Variants in PCDHGB4 observed in about 807,000 individuals in gnomAD.
PCDHGB4 encodes the protein protocadherin gamma-B4.
PCDHGB4 carries 38 observed loss-of-function variants against 60.5 expected under a neutral mutation model. That is an observed-to-expected ratio of 0.63 (90% CI 0.48 to 0.82). PCDHGB4 has a LOEUF of 0.82. PCDHGB4 is among the 40% of genes least tolerant of loss of function. The pLI, the probability that PCDHGB4 is intolerant of heterozygous loss-of-function variation, is 0.00. For missense variants in PCDHGB4, 1,109 were observed against 1,209.6 expected (o/e 0.92, Z 1.23); for synonymous variants, 456 against 509.7 (o/e 0.89, Z 1.42).
intron 1 of PCDHGB4, among the ~76,000 whole-genome samples, chr5:141,446,824 A>T (rs973108119): frequency 1.3e-5 from 2 of 152,156 alleles, no homozygotes; most frequent in African/African-American, 4.8e-5. Flanking sequence ...AGATGGGTAG[A>T]TCCTTATAAG....
At chr5:141,492,673 C>T (rs2099743035) in intron 1 of PCDHGB4, among the ~76,000 whole-genome samples, 1 of 152,250 alleles carries the variant, frequency 6.6e-6, no homozygotes, top group Non-Finnish European at 1.5e-5. Flanking sequence ...GGGACTCCGT[C>T]TCAAGGGTCG....
intron 1 of PCDHGB4, chr5:141,395,553 TG>T: frequency 1.2e-5 from 1 of 84,110 alleles, no homozygotes; most frequent in Non-Finnish European, 2.1e-5. Context: ...TGTGTGTGTG[TG>T]TGTGTGTGTG....
Position 141,485,210 on chromosome 5 carries a change from C to T in PCDHGB4, c.2398-9597C>T, listed in dbSNP as rs2099609472. 1.2e-6 allele frequency: 2 copies of T among 1,614,058 alleles called. No individual in the cohort carries two copies. The highest frequency in any genetic ancestry group is 1.3e-5 in the African/African-American group (1 of 75,046). ...GGTGAGAAGCTGGACAGAAATCTGG[C>T]GGTGGGCTACCCTTTTGTTCCTCTT... On this transcript the variant is annotated intron_variant, in intron 1 of 3. Coordinates refer to ENST00000519479, the MANE Select transcript of PCDHGB4 (RefSeq NM_003736.4). The surrounding 1 kb of genome is among the most constrained non-coding windows in gnomAD (Gnocchi z 5.7).
chr5:141,452,303 G>C (rs1271182127), intron 1 of PCDHGB4, among the ~76,000 whole-genome samples: 1 of 152,048 alleles, frequency 6.6e-6, no homozygotes, highest in Non-Finnish European at 1.5e-5. Flanking sequence ...GAAAATATTA[G>C]AGACTCATAC....
At chr5:141,415,551 C>T (rs745641887) in intron 1 of PCDHGB4, 1 of 1,614,132 alleles carries the variant, frequency 6.2e-7, no homozygotes, top group South Asian at 1.1e-5. Context: ...GTGAGAAAAA[C>T]GATCCTTTGT....
intron 1 of PCDHGB4, chr5:141,478,197 T>G (rs2099437910): frequency 6.2e-7 from 1 of 1,613,956 alleles, no homozygotes; most frequent in Admixed American, 1.7e-5. Context: ...ACCTTTTATC[T>G]ACTTCTTTCT....
intron 1 of PCDHGB4, chr5:141,392,814 A>G: frequency 2.5e-6 from 4 of 1,585,078 alleles, no homozygotes; most frequent in South Asian, 2.3e-5. Flanking sequence ...CAAAACAACA[A>G]TGGCCGCTCC....
rs1433790348 is a variant in PCDHGB4, at chr5:141,431,831, G to A, written c.2397+41550G>A. The A allele has an allele frequency of 1.2e-6, 2 of 1,614,110 alleles. No homozygotes were observed. The highest frequency in any genetic ancestry group is 1.7e-6 in the Non-Finnish European group (2 of 1,180,040). On this transcript the variant is annotated intron_variant, in intron 1 of 3. Transcript: ENST00000519479. The surrounding 1 kb of genome is among the most constrained non-coding windows in gnomAD (Gnocchi z 4.8). Reference sequence around the variant, plus strand: ...CACCTCTCTCGCCAGCTCGGTTCCCGAAAACTCTCCCAGAGGGACATTAAT... The same window carrying A: ...CACCTCTCTCGCCAGCTCGGTTCCCAAAAACTCTCCCAGAGGGACATTAAT...
Position 141,398,085 on chromosome 5 carries a change from T to C in PCDHGB4, c.2397+7804T>C, listed in dbSNP as rs140389005. 4,220 of 1,598,288 alleles carry C rather than the reference T, an allele frequency of 2.6e-3. 81 individuals carry two copies. In the African/African-American group the frequency reaches 0.047, roughly 18 times the overall value. ...TACAATACAGAGGTTATTTGTAACCTGGCGTCTCCAGGCTGGTGAGCAAGC... is the reference window on the plus strand; with the variant it reads ...TACAATACAGAGGTTATTTGTAACCCGGCGTCTCCAGGCTGGTGAGCAAGC... On this transcript the variant is annotated intron_variant, in intron 1 of 3. Coordinates refer to ENST00000519479, the MANE Select transcript of PCDHGB4 (RefSeq NM_003736.4).
At chr5:141,478,535 C>G (rs1359742091) in intron 1 of PCDHGB4, 1 of 1,607,794 alleles carries the variant, frequency 6.2e-7, no homozygotes, top group Non-Finnish European at 8.5e-7. Flanking sequence ...AGAGAGCGCC[C>G]CTCCCGGACA....
intron 2 of PCDHGB4, among the ~76,000 whole-genome samples, chr5:141,497,336 A>G (rs558221190): frequency 1.6e-3 from 251 of 152,122 alleles, no homozygotes; most frequent in Non-Finnish European, 2.8e-3. Flanking sequence ...TTCACCATTG[A>G]ACCTGGAAGC....
At chr5:141,502,961 A>G (rs886622146) in intron 2 of PCDHGB4, among the ~76,000 whole-genome samples, 3 of 146,786 alleles carry the variant, frequency 2.0e-5, no homozygotes, top group Non-Finnish European at 4.4e-5. Context: ...CTCCTGCCTC[A>G]GCCTCCCAAG....
At chr5:141,470,416 A>AT (rs1300623208) in intron 1 of PCDHGB4, among the ~76,000 whole-genome samples, 3 of 152,134 alleles carry the variant, frequency 2.0e-5, no homozygotes, top group African/African-American at 7.2e-5. Flanking sequence ...GATTTTATGT[A>AT]TTTTTTCCTT....
chr5:141,389,913 C>A lies in PCDHGB4; in HGVS notation c.2029C>A (p.Pro677Thr), dbSNP rs751155354. The A allele has an allele frequency of 6.2e-7, 1 of 1,614,092 alleles. No individual in the cohort carries two copies. The highest frequency in any genetic ancestry group is 8.5e-7 in the Non-Finnish European group (1 of 1,179,908). ...QEVLPDITDR[P>T]DPSDLQAELQ... ...GGTGCTGCCGGATATCACTGACCGC[C>A]CCGACCCCTCTGACCTCCAGGCTGA... The change falls in exon 1 of 4, where the codon CCC becomes ACC. Residue 677 changes from proline (P) to threonine (T), a missense_variant. Transcript: ENST00000519479.
At chr5:141,410,527 C>T (rs1398639610) in intron 1 of PCDHGB4, 1 of 1,613,920 alleles carries the variant, frequency 6.2e-7, no homozygotes, top group East Asian at 2.2e-5. Context: ...CCCTACATTC[C>T]AATGAAGACA....
intron 1 of PCDHGB4, chr5:141,423,971 G>T: frequency 8.8e-7 from 1 of 1,136,014 alleles, no homozygotes; most frequent in Non-Finnish European, 1.1e-6. Context: ...TCTATTATCA[G>T]TGTATGAGGC....
intron 1 of PCDHGB4, among the ~76,000 whole-genome samples, chr5:141,401,115 G>C (rs923480761): frequency 5.9e-5 from 9 of 151,974 alleles, no homozygotes; most frequent in African/African-American, 1.7e-4. Context: ...AGGCCGAGGC[G>C]GTTGGATCAC....
chr5:141,482,923 AT>A (rs1193255251), intron 1 of PCDHGB4, among the ~76,000 whole-genome samples: 10 of 152,074 alleles, frequency 6.6e-5, no homozygotes, highest in Non-Finnish European at 1.5e-4. Context: ...AATACAAAAA[AT>A]TAGCCAGGTG....
chr5:141,426,756 G>A, intron 1 of PCDHGB4: 1 of 456,302 alleles, frequency 2.2e-6, no homozygotes. Context: ...ATCTGCTATA[G>A]ATGCAGATGT....
Sources: allele counts gnomAD v4.1 joint callset (sites outside exome capture counted in the v4.1 genomes callset), GRCh38; gene constraint gnomAD v4.1.1; non-coding constraint Gnocchi (gnomAD v3.1); transcripts MANE v1.5; gene names NCBI Gene and HGNC (gene_info 2026-07-23, HGNC 2026-07-21).